Variants in ZBBX observed in about 807,000 individuals in gnomAD.
ZBBX encodes the protein zinc finger B-box domain containing.
A neutral mutation model predicts 108.5 loss-of-function variants in ZBBX; 101 were observed. That is an observed-to-expected ratio of 0.93 (90% CI 0.79 to 1.10). The LOEUF is 1.10. ZBBX is among the 50% of genes least tolerant of loss of function. The pLI is 0.00. For synonymous variants in ZBBX, 356 were observed against 323.4 expected (o/e 1.10, Z -1.08); for missense variants, 1,009 against 941.4 (o/e 1.07, Z -0.94).
At chr3:167,324,125 G>A (rs1736947508) in intron 11 of ZBBX, among the ~76,000 whole-genome samples, 1 of 152,126 alleles carries the variant, frequency 6.6e-6, no homozygotes, top group African/African-American at 2.4e-5. Context: ...AAATGTTAGT[G>A]ATAATGGAAA....
At chr3:167,252,749 T>C (rs1344900760) in intron 20 of ZBBX, among the ~76,000 whole-genome samples, 1 of 151,976 alleles carries the variant, frequency 6.6e-6, no homozygotes, top group Non-Finnish European at 1.5e-5. Context: ...TGTTAGTGTA[T>C]GAGAAAATAA....
chr3:167,192,943 CAT>C, the ZBBX span, among the ~76,000 whole-genome samples: 1 of 152,332 alleles, frequency 6.6e-6, no homozygotes, highest in African/African-American at 2.4e-5. Flanking sequence ...AGATAATTCA[CAT>C]GTCACCATTT....
At chr3:167,322,075 A>G in intron 12 of ZBBX, 42 bp downstream of exon 12, 1 of 1,101,072 alleles carries the variant, frequency 9.1e-7, no homozygotes, top group Non-Finnish European at 1.2e-6. Flanking sequence ...AAACATAAAT[A>G]ACTTTCATAT....
chr3:167,332,788 T>G lies in ZBBX; in HGVS notation c.687+1039A>C, dbSNP rs531732895. Reference sequence around the variant, plus strand: ...TGCAAAATAGTTAAATGCAGGAAATTTGGAGTCAGAAGGTCTGAGCTGAAA... The same window carrying G: ...TGCAAAATAGTTAAATGCAGGAAATGTGGAGTCAGAAGGTCTGAGCTGAAA... On this transcript the variant is annotated intron_variant, in intron 10 of 21. Transcript: ENST00000675490. Among the ~76,000 whole-genome samples the G allele has an allele frequency of 3.3e-5, 5 of 152,246 alleles. No homozygotes were observed. The South Asian group carries it at 8.3e-4, about 25-fold the overall frequency.
chr3:167,400,949 G>A (rs1176492003), intron 1 of ZBBX, among the ~76,000 whole-genome samples: 1 of 152,098 alleles, frequency 6.6e-6, no homozygotes, highest in Non-Finnish European at 1.5e-5. Context: ...GAATGGGAGG[G>A]AGGTTTGCCC....
the ZBBX span, among the ~76,000 whole-genome samples, chr3:167,181,441 A>G: frequency 2.6e-5 from 4 of 152,166 alleles, no homozygotes; most frequent in African/African-American, 7.2e-5. Context: ...AACTCCAACT[A>G]TGTTAAATTG....
intron 6 of ZBBX, among the ~76,000 whole-genome samples, chr3:167,364,868 T>TAG (rs1343455265): frequency 1.3e-5 from 2 of 151,938 alleles, no homozygotes; most frequent in African/African-American, 4.8e-5. Context: ...ACCCCGTACT[T>TAG]TTCTAAGTCC....
intron 11 of ZBBX, among the ~76,000 whole-genome samples, chr3:167,322,853 T>C (rs1483181887): frequency 6.6e-6 from 1 of 151,892 alleles, no homozygotes; most frequent in East Asian, 1.9e-4. Flanking sequence ...GTCTCCAAAC[T>C]GAACATCACA....
At chr3:167,351,808 C>T (rs1418407604) in intron 8 of ZBBX, among the ~76,000 whole-genome samples, 3 of 152,138 alleles carry the variant, frequency 2.0e-5, no homozygotes, top group Non-Finnish European at 2.9e-5. Context: ...AGAGGGGAAG[C>T]TGGGTGTTCT....
At chr3:167,331,831 A>G (rs1388743276) in intron 10 of ZBBX, among the ~76,000 whole-genome samples, 2 of 152,194 alleles carry the variant, frequency 1.3e-5, no homozygotes, top group Non-Finnish European at 2.9e-5. Flanking sequence ...AAGCTAAGTA[A>G]CTTGCCCAAT....
chr3:167,392,566 G>A (rs1297187262), intron 1 of ZBBX, among the ~76,000 whole-genome samples: 1 of 151,692 alleles, frequency 6.6e-6, no homozygotes, highest in Non-Finnish European at 1.5e-5. Flanking sequence ...TTTTTAATAA[G>A]CATGATCTGA....
At chr3:167,209,335 T>C in the ZBBX span, among the ~76,000 whole-genome samples, 1 of 152,002 alleles carries the variant, frequency 6.6e-6, no homozygotes, top group African/African-American at 2.4e-5. Context: ...CCAGTGCTGG[T>C]GGCCACAGGG....
the ZBBX span, among the ~76,000 whole-genome samples, chr3:167,209,860 C>T: frequency 7.9e-5 from 12 of 152,096 alleles, no homozygotes; most frequent in African/African-American, 1.9e-4. Flanking sequence ...GAGGCCAAGG[C>T]GGGTGGATCA....
intron 3 of ZBBX, 161 bp from the exon 4 acceptor site, chr3:167,373,111 C>A: frequency 2.3e-6 from 1 of 434,728 alleles, no homozygotes; most frequent in Non-Finnish European, 4.1e-6. Flanking sequence ...AGCCCTTTGT[C>A]CCCTTCAGCC....
intron 20 of ZBBX, among the ~76,000 whole-genome samples, chr3:167,245,441 T>A (rs1386232045): frequency 6.6e-6 from 1 of 152,156 alleles, no homozygotes; most frequent in Non-Finnish European, 1.5e-5. Context: ...TGTTTATTTC[T>A]CCTTTTCCTA....
intron 21 of ZBBX, 149 bp from the exon 22 acceptor site, chr3:167,241,068 G>A: frequency 1.3e-6 from 1 of 750,590 alleles, no homozygotes; most frequent in African/African-American, 1.8e-5. Context: ...AATTTTCAAT[G>A]TGCCCAATAT....
chr3:167,240,934 C>T lies in ZBBX; in HGVS notation c.2394-15G>A, dbSNP rs1269341615. ...TTCCAGAACAGCTGAAAATACATAA[C>T]AAGATCAATACACAATATACAGAAC... On this transcript the variant is annotated splice_polypyrimidine_tract_variant and intron_variant, in intron 21 of 21. Coordinates refer to ENST00000675490, the MANE Select transcript of ZBBX (RefSeq NM_001199201.2). The T allele has an allele frequency of 3.1e-6, 5 of 1,611,620 alleles. No individual in the cohort carries two copies. The highest frequency in any genetic ancestry group is 4.2e-6 in the Non-Finnish European group (5 of 1,178,788).
chr3:167,273,317 C>T (rs986590712), intron 20 of ZBBX, among the ~76,000 whole-genome samples: 7 of 152,172 alleles, frequency 4.6e-5, no homozygotes, highest in Non-Finnish European at 7.3e-5. Context: ...ACATGGCTGG[C>T]CAGAGGCCCA....
Position 167,298,328 on chromosome 3 carries a change from G to A in ZBBX, c.1856C>T (p.Ser619Phe). The A allele has an allele frequency of 6.3e-7, 1 of 1,597,074 alleles. No homozygotes were observed. The highest frequency in any genetic ancestry group is 8.5e-7 in the Non-Finnish European group (1 of 1,172,768). ...LPSHRLECNN[S>F]STRITLAEDR... ...ACCTGCAAGTGTAATCCTAGTACTG[G>A]AATTGTTGCATTCTAAACGATGAGA... Residue 619 changes from serine (S) to phenylalanine (F), a missense_variant, in exon 18 of 22, where the codon TCC becomes TTC. By Grantham distance (155) the Ser-to-Phe change is radical (BLOSUM62 -2). Coordinates refer to ENST00000675490, the MANE Select transcript of ZBBX (RefSeq NM_001199201.2).
Sources: gnomAD v4.1 joint callset for allele counts (sites outside exome capture counted in the v4.1 genomes callset) on GRCh38, gnomAD v4.1.1 for gene constraint, MANE v1.5 for transcripts, NCBI Gene and HGNC (gene_info 2026-07-23, HGNC 2026-07-21) for gene names.